MAP3K5: variants seen among roughly 807,000 people sequenced by gnomAD.
MAP3K5 encodes the protein mitogen-activated protein kinase kinase kinase 5, also known as ASK-1.
MAP3K5 carries 56 observed loss-of-function variants against 158.7 expected under a neutral mutation model. The observed-to-expected ratio is 0.35, with a 90% CI of 0.28 to 0.44. The LOEUF (loss-of-function observed/expected upper bound fraction) is 0.44. Among genes scored for constraint, MAP3K5 ranks in the 20% least tolerant of loss-of-function variants. The pLI, the probability that MAP3K5 is intolerant of heterozygous loss-of-function variation, is 1.00. For missense variants in MAP3K5, 1,294 were observed against 1,674.8 expected, an observed-to-expected ratio of 0.77 and a Z score of 3.97; for synonymous variants, 579 against 601.7, an observed-to-expected ratio of 0.96 and a Z score of 0.55.
Position 136,637,319 on chromosome 6 carries a change from C to T in MAP3K5, c.2016+6G>A, listed in dbSNP as rs1455107445. ...TCTAAATGTAAATGGACACCTAAGT[C>T]ATTACCTCCAGCAAGTCACTTTCAC... On this transcript the variant is annotated splice_donor_region_variant and intron_variant, in intron 14 of 29. Transcript: ENST00000359015. 3 of 1,599,248 alleles carry T rather than the reference C, an allele frequency of 1.9e-6. No homozygotes were observed. The highest frequency in any genetic ancestry group is 2.6e-6 in the Non-Finnish European group (3 of 1,166,396).
chr6:136,628,075 T>C (rs960405560), intron 14 of MAP3K5, among the ~76,000 whole-genome samples: 2 of 152,204 alleles, frequency 1.3e-5, no homozygotes, highest in African/African-American at 2.4e-5. Context: ...ATTATTGGTT[T>C]ATTCTTGGGT....
Position 136,734,421 on chromosome 6 carries a change from G to GAAAAAAAAAAA in MAP3K5, c.449-13843_449-13833dup, listed in dbSNP as rs1016817563. The stretch of plus-strand genomic sequence containing the variant: ...GCCAACAAAGCGAGACTCTGTCTCG[G>GAAAAAAAAAAA]AAAAAAAAAAAAAAAAAAAAAAAGG... On this transcript the variant is annotated intron_variant, in intron 1 of 29. Coordinates refer to ENST00000359015, the MANE Select transcript of MAP3K5 (RefSeq NM_005923.4). Among the ~76,000 whole-genome samples the GAAAAAAAAAAA allele has an allele frequency of 3.5e-5, 2 of 56,736 alleles. 1 individual carries two copies. The highest frequency in any genetic ancestry group is 1.4e-4 in the African/African-American group (2 of 14,408). The allele number at this position is 56,736 out of a possible 152,430, so 37.2% of individuals were successfully genotyped here. A position where few individuals can be genotyped will look rare whatever the true frequency, so the allele number is the denominator to read the frequency against.
At chr6:136,631,823 T>C (rs972427947) in intron 14 of MAP3K5, among the ~76,000 whole-genome samples, 8 of 152,096 alleles carry the variant, frequency 5.3e-5, no homozygotes, top group Admixed American at 1.3e-4. Context: ...TGTGAGCTCA[T>C]GTGATTAAAA....
In MAP3K5 at chr6:136,592,295, C is replaced by T; in HGVS notation, c.3103G>A (p.Glu1035Lys). 1 of 1,607,812 alleles carries T rather than the reference C, an allele frequency of 6.2e-7. No homozygotes were observed. Among genetic ancestry groups the T allele is most frequent in the Non-Finnish European group, 8.5e-7 (1 of 1,177,294 alleles). ...ATGAAGAATCCAGAATCTTTTTCTT[C>T]AGGGGAAGGAGGAGCACTGTGATCT... ...FEDHSAPPSP[E>K]EKDSGFFMLR... Residue 1035 changes from glutamate to lysine, a missense_variant, in exon 23 of 30, where the codon GAA becomes AAA. Coordinates refer to ENST00000359015, the MANE Select transcript of MAP3K5 (RefSeq NM_005923.4).
Position 136,613,841 on chromosome 6 carries a change from AC to A in MAP3K5, c.2278+317del, listed in dbSNP as rs1776446818. Among the ~76,000 whole-genome samples, 2 of 152,100 alleles carry A rather than the reference AC, an allele frequency of 1.3e-5. No individual in the cohort carries two copies. Among genetic ancestry groups the A allele is most frequent in the African/African-American group, 4.8e-5 (2 of 41,426 alleles). On this transcript the variant is annotated intron_variant, in intron 16 of 29. Transcript: ENST00000359015. This position sits in a 1 kb window ranked among gnomAD's most constrained non-coding sequence, Gnocchi z 4.0. ...ATGACTTTGGGTAGAAGATGTTGCC[AC>A]CCTGTTAGTCTTCAGCTTATATAAG... is the stretch of plus-strand genomic sequence containing the variant.
chr6:136,783,644 C>T (rs1228783299), intron 1 of MAP3K5, among the ~76,000 whole-genome samples: 1 of 152,164 alleles, frequency 6.6e-6, no homozygotes, highest in Admixed American at 6.5e-5. Flanking sequence ...TGTTCTACAG[C>T]CACAGTGAGG....
intron 1 of MAP3K5, 85 bp downstream of exon 1, chr6:136,791,624 CG>C: frequency 2.1e-6 from 3 of 1,439,050 alleles, no homozygotes; most frequent in Non-Finnish European, 2.9e-6. Flanking sequence ...AAATGCTTCC[CG>C]CCCAGAAAAA....
intron 26 of MAP3K5, among the ~76,000 whole-genome samples, chr6:136,564,445 A>G (rs1562508710): frequency 6.6e-6 from 1 of 152,218 alleles, no homozygotes. Flanking sequence ...AAGCTAGAAG[A>G]GGGAGCACAG....
intron 5 of MAP3K5, among the ~76,000 whole-genome samples, chr6:136,696,852 TGTCCAGAAAGCTCTAA>T (rs778190916): frequency 1.4e-4 from 21 of 152,380 alleles, no homozygotes; most frequent in Middle Eastern, 3.4e-3. Context: ...ATAAAAGGTA[TGTCCAGAAAGCTCTAA>T]AAATGTCTGC....
At chr6:136,704,923 A>G (rs1043213734) in intron 3 of MAP3K5, among the ~76,000 whole-genome samples, 187 bp downstream of exon 3, 2 of 152,198 alleles carry the variant, frequency 1.3e-5, no homozygotes. Flanking sequence ...ATCTCTCATT[A>G]TGAAAAATAA....
At chr6:136,578,141 T>C (rs1023689864) in intron 25 of MAP3K5, among the ~76,000 whole-genome samples, 3 of 152,192 alleles carry the variant, frequency 2.0e-5, no homozygotes, top group Non-Finnish European at 2.9e-5. Flanking sequence ...CTAACCTCTC[T>C]ATAGCACATT....
intron 2 of MAP3K5, among the ~76,000 whole-genome samples, chr6:136,715,806 G>A (rs111384311): frequency 0.41 from 62,235 of 151,296 alleles, 13,726 homozygotes; most frequent in Non-Finnish European, 0.49. Context: ...CAACGGGGGC[G>A]GATTGCTTGA....
intron 17 of MAP3K5, among the ~76,000 whole-genome samples, chr6:136,612,727 A>C (rs1238397826): frequency 6.6e-6 from 1 of 152,194 alleles, no homozygotes; most frequent in Non-Finnish European, 1.5e-5. Flanking sequence ...CTAACCATTC[A>C]TCCATTGATT....
At chr6:136,698,439 G>C (rs1780698937) in intron 4 of MAP3K5, 50 bp downstream of exon 4, 1 of 1,486,288 alleles carries the variant, frequency 6.7e-7, no homozygotes, top group Non-Finnish European at 9.3e-7. Flanking sequence ...TAAAGATGTA[G>C]AATAACACTT....
intron 7 of MAP3K5, among the ~76,000 whole-genome samples, chr6:136,693,010 C>T (rs761371866): frequency 5.3e-5 from 8 of 152,094 alleles, no homozygotes; most frequent in Non-Finnish European, 1.2e-4. Flanking sequence ...AATTTGTACA[C>T]TTTATTCTAA....
At chr6:136,646,910 G>A (rs1363621182) in intron 11 of MAP3K5, among the ~76,000 whole-genome samples, 2 of 152,116 alleles carry the variant, frequency 1.3e-5, no homozygotes, top group African/African-American at 2.4e-5. Context: ...AACTAAACAC[G>A]TCCAAAATGA....
intron 3 of MAP3K5, among the ~76,000 whole-genome samples, chr6:136,704,284 ATACCTTATCATGAT>A (rs1382891485): frequency 1.3e-5 from 2 of 152,288 alleles, no homozygotes; most frequent in East Asian, 3.9e-4. Flanking sequence ...TGTTATTCCT[ATACCTTATCATGAT>A]TACAGACACT....
chr6:136,754,472 G>A (rs1461399009), intron 1 of MAP3K5, among the ~76,000 whole-genome samples: 2 of 151,852 alleles, frequency 1.3e-5, no homozygotes, highest in South Asian at 2.1e-4. Context: ...CTAGCTACTC[G>A]GAAGGCTGAG....
At chr6:136,702,580 C>T (rs979914904) in intron 3 of MAP3K5, among the ~76,000 whole-genome samples, 2 of 152,208 alleles carry the variant, frequency 1.3e-5, no homozygotes, top group African/African-American at 4.8e-5. Flanking sequence ...AATATTTAAA[C>T]TTGCTTCAAA....
Sources: gnomAD v4.1 joint callset for allele counts (sites outside exome capture counted in the v4.1 genomes callset) on GRCh38, gnomAD v4.1.1 for gene constraint, Gnocchi (gnomAD v3.1) non-coding constraint, MANE v1.5 for transcripts, NCBI Gene and HGNC (gene_info 2026-07-23, HGNC 2026-07-21) for gene names.